The following NDRG3 variants were observed in gnomAD, a reference collection of about 807,000 sequenced individuals.
NDRG3 encodes the protein NDRG family member 3, also known as protein NDRG3.
NDRG3 carries 23 observed loss-of-function variants against 57.2 expected under a neutral mutation model. The observed-to-expected ratio is 0.40, with a 90% confidence interval of 0.29 to 0.57. NDRG3 has a LOEUF of 0.57. Ranked by LOEUF, NDRG3 falls within the 20% of genes least tolerant of loss-of-function variation. The pLI is 0.42. For synonymous variants in NDRG3, 132 were observed against 162.6 expected, an observed-to-expected ratio of 0.81 and a Z score of 1.43; for missense variants, 384 against 457.3, an observed-to-expected ratio of 0.84 and a Z score of 1.46.
Position 36,688,613 on chromosome 20 carries a change from T to C in NDRG3, c.199+66A>G. On this transcript the variant is annotated intron_variant, in intron 4 of 15. Transcript: ENST00000349004. ...CTCTGCTCTATTAGAATATTGTTGTTGTTTGGTTTTTAACATACAAAGATC... is the reference window on the plus strand; with the variant it reads ...CTCTGCTCTATTAGAATATTGTTGTCGTTTGGTTTTTAACATACAAAGATC... 3.4e-6 allele frequency: 4 copies of C among 1,165,702 alleles called. No individual in the cohort carries two copies. The South Asian group carries it at 4.9e-5, about 14-fold the overall frequency. 72.2% of individuals were successfully genotyped at this position (1,165,702 alleles called of 1,614,324 possible).
chr20:36,688,167 A>G (rs936730644), intron 4 of NDRG3, among the ~76,000 whole-genome samples: 6 of 152,262 alleles, frequency 3.9e-5, no homozygotes, highest in African/African-American at 1.4e-4. Flanking sequence ...AATGCAGGGC[A>G]TCTATGAAAG....
intron 1 of NDRG3, among the ~76,000 whole-genome samples, chr20:36,743,402 G>A (rs868733921): frequency 2.6e-5 from 4 of 152,174 alleles, no homozygotes; most frequent in Admixed American, 6.5e-5. Flanking sequence ...GCTGAGGCAG[G>A]AAAATCGCTT....
At chr20:36,732,223 G>T (rs1040905608) in intron 1 of NDRG3, among the ~76,000 whole-genome samples, 1 of 152,074 alleles carries the variant, frequency 6.6e-6, no homozygotes, top group African/African-American at 2.4e-5. Context: ...CACTGGGAGG[G>T]GCTTTAAAAG....
intron 1 of NDRG3, among the ~76,000 whole-genome samples, chr20:36,724,836 C>T (rs969825834): frequency 2.6e-5 from 4 of 151,136 alleles, no homozygotes; most frequent in African/African-American, 4.9e-5. Flanking sequence ...GGCTGAGGCA[C>T]GAGAATCATT....
chr20:36,659,575 T>C (rs1978974657), intron 13 of NDRG3, among the ~76,000 whole-genome samples: 3 of 152,284 alleles, frequency 2.0e-5, no homozygotes, highest in South Asian at 4.1e-4. Context: ...TGAGAACATA[T>C]TCAGGAAAAA....
intron 4 of NDRG3, 89 bp downstream of exon 4, chr20:36,688,590 C>G: frequency 1.0e-6 from 1 of 969,990 alleles, no homozygotes; most frequent in Non-Finnish European, 1.6e-6. Flanking sequence ...GGGGAAACCT[C>G]TGCTCTATTA....
chr20:36,676,438 A>G (rs150105780), intron 8 of NDRG3, among the ~76,000 whole-genome samples: 3,217 of 152,140 alleles, frequency 0.021, 44 homozygotes, highest in Admixed American at 0.029. Context: ...TCTAACCTAA[A>G]AAGTGTTTTT....
chr20:36,720,911 G>T (rs1984553758), intron 2 of NDRG3, among the ~76,000 whole-genome samples: 1 of 151,792 alleles, frequency 6.6e-6, no homozygotes, highest in South Asian at 2.1e-4. Flanking sequence ...GAGTAGCTGG[G>T]ATTACAGGTG....
chr20:36,678,906 G>A (rs1980995373), intron 8 of NDRG3, among the ~76,000 whole-genome samples: 1 of 152,198 alleles, frequency 6.6e-6, no homozygotes, highest in South Asian at 2.1e-4. Context: ...CACTGCTGTT[G>A]TGTAAATGGT....
chr20:36,691,684 C>G (rs1345797649), intron 3 of NDRG3, among the ~76,000 whole-genome samples: 1 of 152,120 alleles, frequency 6.6e-6, no homozygotes, highest in Non-Finnish European at 1.5e-5. Flanking sequence ...CCACTGCACT[C>G]CAGCCTGGGT....
chr20:36,669,180 C>T (rs1979907996), intron 9 of NDRG3, among the ~76,000 whole-genome samples: 1 of 151,964 alleles, frequency 6.6e-6, no homozygotes, highest in Non-Finnish European at 1.5e-5. Context: ...CCTCAGCCTC[C>T]CGAGTAGCTG....
At chr20:36,744,681 T>C (rs1440695755) in intron 1 of NDRG3, among the ~76,000 whole-genome samples, 1 of 152,212 alleles carries the variant, frequency 6.6e-6, no homozygotes, top group Non-Finnish European at 1.5e-5. Context: ...CACATATTTT[T>C]ATAGCTGTTC....
At chr20:36,710,202 T>C (rs1290319904) in intron 2 of NDRG3, among the ~76,000 whole-genome samples, 1 of 152,064 alleles carries the variant, frequency 6.6e-6, no homozygotes, top group Admixed American at 6.6e-5. Context: ...TGCATGCTTA[T>C]AGTCCCAGCT....
At chr20:36,681,487 T>C (rs1159859746) in intron 7 of NDRG3, among the ~76,000 whole-genome samples, 2 of 151,170 alleles carry the variant, frequency 1.3e-5, no homozygotes, top group East Asian at 4.0e-4. Context: ...AATGCAAAAA[T>C]TAGCTGGGTG....
intron 1 of NDRG3, among the ~76,000 whole-genome samples, chr20:36,743,970 G>C (rs767130505): frequency 8.0e-6 from 1 of 125,362 alleles, no homozygotes; most frequent in Non-Finnish European, 1.6e-5. Context: ...GCGCGATCTC[G>C]GCTCACTGCA....
intron 1 of NDRG3, among the ~76,000 whole-genome samples, chr20:36,731,485 C>T (rs1461928610): frequency 1.3e-5 from 2 of 152,014 alleles, no homozygotes; most frequent in East Asian, 1.9e-4. Context: ...TGCTGAAAAG[C>T]CCATGACTAT....
intron 15 of NDRG3, among the ~76,000 whole-genome samples, chr20:36,654,061 C>T (rs754199820): frequency 2.6e-5 from 4 of 152,144 alleles, no homozygotes; most frequent in African/African-American, 4.8e-5. Flanking sequence ...CAAGACTAAA[C>T]CAAAAGAAAA....
intron 15 of NDRG3, among the ~76,000 whole-genome samples, chr20:36,655,499 T>G (rs1021186148): frequency 3.9e-5 from 6 of 152,228 alleles, no homozygotes; most frequent in African/African-American, 1.4e-4. Flanking sequence ...GCATATGATA[T>G]GGACACACCC....
chr20:36,660,576 T>A (rs895939969), intron 12 of NDRG3, among the ~76,000 whole-genome samples, 192 bp from the exon 13 acceptor site: 1 of 147,050 alleles, frequency 6.8e-6, no homozygotes, highest in Non-Finnish European at 1.5e-5. Flanking sequence ...TTATTTTTTT[T>A]TTGAGACGGA....
Sources: gnomAD v4.1 joint callset for allele counts (sites outside exome capture counted in the v4.1 genomes callset) on GRCh38, gnomAD v4.1.1 for gene constraint, MANE v1.5 for transcripts, NCBI Gene and HGNC (gene_info 2026-07-23, HGNC 2026-07-21) for gene names.